Variants in IGBP1C observed in about 807,000 individuals in gnomAD.
IGBP1C encodes the protein immunoglobulin-binding protein 1 family member C.
the IGBP1C span, among the ~76,000 whole-genome samples, chr17:58,687,092 T>G: frequency 1.3e-5 from 2 of 151,988 alleles, no homozygotes; most frequent in African/African-American, 4.8e-5. Context: ...GGAGGCTCTA[T>G]GATCAAACAC....
At chr17:58,673,880 A>C in the IGBP1C span, among the ~76,000 whole-genome samples, 1 of 152,152 alleles carries the variant, frequency 6.6e-6, no homozygotes, top group African/African-American at 2.4e-5. Context: ...TCTCCTTCAT[A>C]TTATAGTTAG....
the IGBP1C span, chr17:58,660,818 T>G: frequency 8.9e-6 from 7 of 782,470 alleles, no homozygotes; most frequent in African/African-American, 1.2e-4. Context: ...CAGACTTGGA[T>G]AGCCAGCGCC....
chr17:58,682,699 C>T, the IGBP1C span, among the ~76,000 whole-genome samples: 4 of 152,186 alleles, frequency 2.6e-5, no homozygotes, highest in Non-Finnish European at 5.9e-5. Flanking sequence ...TCTTAAGTGG[C>T]TCATGAATCC....
the IGBP1C span, among the ~76,000 whole-genome samples, chr17:58,667,324 C>T: frequency 2.0e-5 from 3 of 152,192 alleles, no homozygotes; most frequent in African/African-American, 7.2e-5. Context: ...CAACTTGTTC[C>T]TCAGTTTGTA....
chr17:58,686,036 A>G, the IGBP1C span, among the ~76,000 whole-genome samples: 3 of 150,698 alleles, frequency 2.0e-5, no homozygotes, highest in Admixed American at 6.7e-5. Context: ...AAGGAGTGAC[A>G]TAACTGAAAT....
the IGBP1C span, among the ~76,000 whole-genome samples, chr17:58,663,354 G>A: frequency 2.8e-5 from 4 of 144,898 alleles, no homozygotes; most frequent in African/African-American, 5.1e-5. Context: ...CGTGGGAGGC[G>A]GAGGTTGCAG....
At chr17:58,661,742 G>C in the IGBP1C span, 1 of 563,266 alleles carries the variant, frequency 1.8e-6, no homozygotes, top group Non-Finnish European at 3.1e-6. Flanking sequence ...GGGCGGCATA[G>C]GGGAAGGCAA....
At chr17:58,690,070 C>T in the IGBP1C span, among the ~76,000 whole-genome samples, 1 of 151,910 alleles carries the variant, frequency 6.6e-6, no homozygotes. Flanking sequence ...AGGATGGTCT[C>T]GATCTCCTGA....
At chr17:58,668,149 A>G in the IGBP1C span, among the ~76,000 whole-genome samples, 1 of 152,156 alleles carries the variant, frequency 6.6e-6, no homozygotes, top group South Asian at 2.1e-4. Flanking sequence ...TTTAGCCAGA[A>G]TTCCTCTTAC....
the IGBP1C span, among the ~76,000 whole-genome samples, chr17:58,680,635 A>G: frequency 6.6e-6 from 1 of 151,962 alleles, no homozygotes. Context: ...CCAGCTACTC[A>G]AGAGGCAGGA....
the IGBP1C span, among the ~76,000 whole-genome samples, chr17:58,689,076 GCC>G: frequency 6.7e-6 from 1 of 150,066 alleles, no homozygotes; most frequent in African/African-American, 2.5e-5. Flanking sequence ...GACTACAGGT[GCC>G]TGCCACCACA....
chr17:58,663,415 T>G, the IGBP1C span, among the ~76,000 whole-genome samples: 1 of 104,346 alleles, frequency 9.6e-6, no homozygotes, highest in African/African-American at 3.8e-5. Context: ...AGAGCAAAAC[T>G]CCGTCTCAAA....
At chr17:58,671,530 A>T in the IGBP1C span, among the ~76,000 whole-genome samples, 1 of 150,798 alleles carries the variant, frequency 6.6e-6, no homozygotes, top group Admixed American at 6.6e-5. Context: ...ATGAGGAGGG[A>T]CTCTCTAGTC....
the IGBP1C span, among the ~76,000 whole-genome samples, chr17:58,672,435 T>C: frequency 6.6e-6 from 1 of 152,338 alleles, no homozygotes; most frequent in African/African-American, 2.4e-5. Flanking sequence ...TCACTGCTAC[T>C]TGGCATTCCT....
the IGBP1C span, chr17:58,661,850 T>A: frequency 2.4e-6 from 1 of 418,472 alleles, no homozygotes; most frequent in Non-Finnish European, 4.2e-6. Flanking sequence ...AAAGTGGGAA[T>A]AATACTGCCT....
chr17:58,664,189 T>C, the IGBP1C span, among the ~76,000 whole-genome samples: 1 of 152,238 alleles, frequency 6.6e-6, no homozygotes. Context: ...TTGAACTACC[T>C]TCCTAATTTT....
chr17:58,685,399 G>C, the IGBP1C span, among the ~76,000 whole-genome samples: 1 of 150,250 alleles, frequency 6.7e-6, no homozygotes, highest in Non-Finnish European at 1.5e-5. Context: ...TCACACCACC[G>C]CACTCCAGCC....
At chr17:58,668,934 G>A in the IGBP1C span, among the ~76,000 whole-genome samples, 16 of 152,160 alleles carry the variant, frequency 1.1e-4, no homozygotes, top group Non-Finnish European at 2.2e-4. Flanking sequence ...TTTGTTCCGG[G>A]TATATATCAA....
chr17:58,684,397 G>C, the IGBP1C span, among the ~76,000 whole-genome samples: 36,267 of 151,472 alleles, frequency 0.24, 5,249 homozygotes, highest in Middle Eastern at 0.41. Flanking sequence ...GGGAGGCGGA[G>C]GTTGGAGTGA....
Sources: gnomAD v4.1 joint callset for allele counts (sites outside exome capture counted in the v4.1 genomes callset) on GRCh38, gnomAD v4.1.1 for gene constraint, MANE v1.5 for transcripts, NCBI Gene and HGNC (gene_info 2026-07-23, HGNC 2026-07-21) for gene names.